Variants in KRTAP5-8 observed in about 807,000 individuals in gnomAD.
KRTAP5-8 encodes the protein keratin-associated protein 5-8.
KRTAP5-8 carries 2 observed loss-of-function variants against 2.7 expected under a neutral mutation model. That is an observed-to-expected ratio of 0.75 (90% confidence interval 0.30 to 2.35). The LOEUF (loss-of-function observed/expected upper bound fraction) is 2.35. Ranked by LOEUF, KRTAP5-8 falls within the 30% of genes most tolerant of loss-of-function variation. The pLI is 0.12. For synonymous variants in KRTAP5-8, 62 were observed against 89.1 expected, an observed-to-expected ratio of 0.70 and a Z score of 1.71; for missense variants, 183 against 227.2, an observed-to-expected ratio of 0.81 and a Z score of 1.25.
At position 71,538,266 on chromosome 11, in the gene KRTAP5-8, G is replaced by A. The variant is rs751475151; in HGVS notation, c.211G>A (p.Gly71Ser). The change falls in exon 1 of 1, where the codon GGC (glycine) becomes AGC (serine). Residue 71 changes from glycine (G) to serine (S), a missense_variant. By Grantham distance (56) the Gly-to-Ser change is moderately conservative. Transcript: ENST00000398534. ...GSCGGSKGDCGSCGGSKGGCG... is the reference protein window; with the variant it reads ...GSCGGSKGDCSSCGGSKGGCG... ...CTGTGGGGGCTCCAAGGGGGACTGT[G>A]GCTCCTGTGGGGGCTCCAAGGGAGG... The A allele has an allele frequency of 1.9e-6, 3 of 1,613,640 alleles. No homozygotes were observed. Among genetic ancestry groups the A allele is most frequent in the Admixed American group, 1.7e-5 (1 of 60,016 alleles).
At position 71,538,798 on chromosome 11, in the gene KRTAP5-8, A is replaced by G; in HGVS notation, c.*179A>G. The G allele has an allele frequency of 7.6e-7, 1 of 1,322,012 alleles. No individual in the cohort carries two copies. 81.9% of individuals were successfully genotyped at this position (1,322,012 alleles called of 1,614,324 possible). ...CTCTGAGGTCATGAGGGCTTCTGGC[A>G]TGCTGGGTGCTGCCCATCAACCCTC... On this transcript the variant is annotated 3_prime_UTR_variant, in exon 1 of 1. Coordinates refer to ENST00000398534, the MANE Select transcript of KRTAP5-8 (RefSeq NM_021046.3).
rs372795779 is a variant in KRTAP5-8 at position 71,538,186 on chromosome 11, C to A, written c.131C>A (p.Ala44Asp). Residue 44 changes from alanine to aspartate, a missense_variant, in exon 1 of 1, where the codon GCC becomes GAC. Physicochemically the swap from Ala to Asp is moderately radical, Grantham distance 126. This residue lies in a region of KRTAP5-8 where 113 missense variants were observed against 109.3 expected (regional missense o/e 1.03). Coordinates refer to ENST00000398534, the MANE Select transcript of KRTAP5-8 (RefSeq NM_021046.3). ...AAGCCCGTGTGCTGCTGTGTGCCAG[C>A]CTGTTCCTGCTCCAGCTGTGGCTCC... ...CCKPVCCCVP[A>D]CSCSSCGSCG... The A allele has an allele frequency of 1.9e-6, 3 of 1,612,470 alleles. No individual in the cohort carries two copies. Among genetic ancestry groups the A allele is most frequent in the Non-Finnish European group, 2.5e-6 (3 of 1,179,792 alleles).
chr11:71,538,861 A>C lies in KRTAP5-8; in HGVS notation c.*242A>C, dbSNP rs761811509. The C allele has an allele frequency of 1.0e-5, 8 of 783,292 alleles. No homozygotes were observed. Among genetic ancestry groups the C allele is most frequent in the Non-Finnish European group, 1.0e-5 (5 of 491,720 alleles). The allele number at this position is 783,292 out of a possible 1,614,324, so 48.5% of individuals were successfully genotyped here. The stretch of plus-strand genomic sequence containing the variant: ...CTTCCTTTCCTGACCTCATCACTTC[A>C]ACCTTCTCAGGGCTTCAAGATCCCA... On this transcript the variant is annotated 3_prime_UTR_variant, in exon 1 of 1. Coordinates refer to ENST00000398534, the MANE Select transcript of KRTAP5-8 (RefSeq NM_021046.3).
In KRTAP5-8 at chr11:71,538,389, C is replaced by T. The variant is rs1190910477; in HGVS notation, c.334C>T (p.Pro112Ser). The T allele has an allele frequency of 1.2e-6, 2 of 1,611,610 alleles. No homozygotes were observed. The highest frequency in any genetic ancestry group is 2.7e-5 in the African/African-American group (2 of 74,852). The change falls in exon 1 of 1, where the codon CCC (proline) becomes TCC (serine). Residue 112 changes from proline to serine, a missense_variant. This residue lies in a region of KRTAP5-8 where 70 missense variants were observed against 117.9 expected (regional missense o/e 0.59). Coordinates refer to ENST00000398534, the MANE Select transcript of KRTAP5-8 (RefSeq NM_021046.3). ...CTGCTGCCAGTCCAGCTGCTGCAAA[C>T]CCTGCTGTTCCCAGTCCAGCTGTTG... ...SSCCQSSCCK[P>S]CCSQSSCCKP...
chr11:71,538,398 T>C lies in KRTAP5-8; in HGVS notation c.343T>C (p.Ser115Pro). The part of the protein sequence containing the change: ...CQSSCCKPCC[S>P]QSSCCKPCSC... ...GTCCAGCTGCTGCAAACCCTGCTGT[T>C]CCCAGTCCAGCTGTTGTAAGCCCTG... is the stretch of plus-strand genomic sequence containing the variant. Residue 115 changes from serine to proline, a missense_variant, in exon 1 of 1, where the codon TCC (serine) becomes CCC (proline). Coordinates refer to ENST00000398534, the MANE Select transcript of KRTAP5-8 (RefSeq NM_021046.3). 3.7e-6 allele frequency: 6 copies of C among 1,611,924 alleles called. No homozygotes were observed. Among genetic ancestry groups the C allele is most frequent in the South Asian group, 1.1e-5 (1 of 90,842 alleles).
In KRTAP5-8 at chr11:71,538,839, C is replaced by T; in HGVS notation, c.*220C>T. 1 of 887,188 alleles carries T rather than the reference C, an allele frequency of 1.1e-6. No individual in the cohort carries two copies. The highest frequency in any genetic ancestry group is 1.7e-6 in the Non-Finnish European group (1 of 582,998). The allele number at this position is 887,188 out of a possible 1,614,324, so 55.0% of individuals were successfully genotyped here. On this transcript the variant is annotated 3_prime_UTR_variant, in exon 1 of 1. Transcript: ENST00000398534. ...ATCAACCCTCCCAGAATCCCCTCTTCCTTTCCTGACCTCATCACTTCAACC... is the reference window on the plus strand; with the variant it reads ...ATCAACCCTCCCAGAATCCCCTCTTTCTTTCCTGACCTCATCACTTCAACC...
In KRTAP5-8 at chr11:71,538,592, C is replaced by A. The variant is rs2120620219; in HGVS notation, c.537C>A (p.Val179=). The A allele has an allele frequency of 1.3e-6, 2 of 1,587,170 alleles. No individual in the cohort carries two copies. The highest frequency in any genetic ancestry group is 2.2e-5 in the South Asian group (2 of 90,634). The change falls in exon 1 of 1, where the codon GTC becomes GTA. Residue 179 remains valine, a synonymous_variant. Transcript: ENST00000398534. ...KPCCSQSSCC[V]PICCQCKI is the part of the protein sequence containing the mutation. ...GCTGTTCCCAGTCCAGCTGCTGTGT[C>A]CCAATTTGCTGCCAGTGCAAGATCT...
chr11:71,538,968 C>T lies in KRTAP5-8; in HGVS notation c.*349C>T, dbSNP rs1213138475. 2.2e-6 allele frequency: 1 copy of T among 464,400 alleles called. No homozygotes were observed. Among genetic ancestry groups the T allele is most frequent in the East Asian group, 4.4e-5 (1 of 22,608 alleles). The allele number at this position is 464,400 out of a possible 1,614,324, so 28.8% of individuals were successfully genotyped here. A position where few individuals can be genotyped will look rare whatever the true frequency, so the allele number is the denominator to read the frequency against. On this transcript the variant is annotated 3_prime_UTR_variant, in exon 1 of 1. Transcript: ENST00000398534. ...GACCTGCTGCCGCCTCTCCCCGGTC[C>T]CTGCAACCTCCTGGCTCCTCCACCC...
Position 71,538,888 on chromosome 11 carries a change from A to C in KRTAP5-8, c.*269A>C. On this transcript the variant is annotated 3_prime_UTR_variant, in exon 1 of 1. Coordinates refer to ENST00000398534, the MANE Select transcript of KRTAP5-8 (RefSeq NM_021046.3). ...CCTTCTCAGGGCTTCAAGATCCCACATCCCTGGGCCCCTCCTGTGAGCCTG... is the reference window on the plus strand; with the variant it reads ...CCTTCTCAGGGCTTCAAGATCCCACCTCCCTGGGCCCCTCCTGTGAGCCTG... The C allele has an allele frequency of 3.0e-6, 2 of 675,940 alleles. No homozygotes were observed. 41.9% of individuals were successfully genotyped at this position (675,940 alleles called of 1,614,324 possible).
Position 71,538,097 on chromosome 11 carries a change from T to TGGGGGCTGTGGCTCCGGCTGA in KRTAP5-8, c.50_51insTGGCTCCGGCTGAGGGGGCTG (p.Gly20_Cys21insTer). On this transcript the variant is annotated stop_gained and inframe_insertion, in exon 1 of 1. Coordinates refer to ENST00000398534, the MANE Select transcript of KRTAP5-8 (RefSeq NM_021046.3). LOFTEE classifies it low-confidence loss of function (END_TRUNC). ...GCTCTGGAGGCTGTGGCTCCGGCTG[T>TGGGGGCTGTGGCTCCGGCTGA]GGGGGCTGCGGCTCTGGCTGTGGGG... 1 of 1,611,198 alleles carries TGGGGGCTGTGGCTCCGGCTGA rather than the reference T, an allele frequency of 6.2e-7. No homozygotes were observed. The highest frequency in any genetic ancestry group is 1.1e-5 in the South Asian group (1 of 90,898).
chr11:71,538,857 C>T lies in KRTAP5-8; in HGVS notation c.*238C>T. On this transcript the variant is annotated 3_prime_UTR_variant, in exon 1 of 1. Coordinates refer to ENST00000398534, the MANE Select transcript of KRTAP5-8 (RefSeq NM_021046.3). ...CCCTCTTCCTTTCCTGACCTCATCA[C>T]TTCAACCTTCTCAGGGCTTCAAGAT... The T allele has an allele frequency of 1.3e-6, 1 of 792,806 alleles. No individual in the cohort carries two copies. The highest frequency in any genetic ancestry group is 2.7e-5 in the East Asian group (1 of 36,998). The allele number at this position is 792,806 out of a possible 1,614,324, so 49.1% of individuals were successfully genotyped here.
At position 71,538,931 on chromosome 11, in the gene KRTAP5-8, C is replaced by G. The variant is rs545064241; in HGVS notation, c.*312C>G. 1 of 580,628 alleles carries G rather than the reference C, an allele frequency of 1.7e-6. No individual in the cohort carries two copies. Among genetic ancestry groups the G allele is most frequent in the South Asian group, 2.2e-5 (1 of 46,148 alleles). 36.0% of individuals were successfully genotyped at this position (580,628 alleles called of 1,614,324 possible). A position where few individuals can be genotyped will look rare whatever the true frequency, so the allele number is the denominator to read the frequency against. On this transcript the variant is annotated 3_prime_UTR_variant, in exon 1 of 1. Coordinates refer to ENST00000398534, the MANE Select transcript of KRTAP5-8 (RefSeq NM_021046.3). Reference sequence around the variant, plus strand: ...TGAGCCTGCTGGAAACACACTGAAACTGGAATCCTCCGACCTGCTGCCGCC... The same window carrying G: ...TGAGCCTGCTGGAAACACACTGAAAGTGGAATCCTCCGACCTGCTGCCGCC...
chr11:71,538,249 G>C lies in KRTAP5-8; in HGVS notation c.194G>C (p.Gly65Ala), dbSNP rs564299923. 6.2e-7 allele frequency: 1 copy of C among 1,613,178 alleles called. No individual in the cohort carries two copies. Among genetic ancestry groups the C allele is most frequent in the African/African-American group, 1.3e-5 (1 of 74,896 alleles). Reference sequence around the variant, plus strand: ...AAGGGGGGCCGTGGCTCCTGTGGGGGCTCCAAGGGGGACTGTGGCTCCTGT... The same window carrying C: ...AAGGGGGGCCGTGGCTCCTGTGGGGCCTCCAAGGGGGACTGTGGCTCCTGT... ...GSKGGRGSCGGSKGDCGSCGG... is the reference protein window; with the variant it reads ...GSKGGRGSCGASKGDCGSCGG... The change falls in exon 1 of 1, where the codon GGC becomes GCC. Residue 65 changes from glycine (G) to alanine (A), a missense_variant. Gly to Ala is a moderately conservative substitution (Grantham distance 60). Around this residue, in one of 2 missense-constraint regions of KRTAP5-8, gnomAD observed 113 missense variants for 109.3 expected, o/e 1.03. Coordinates refer to ENST00000398534, the MANE Select transcript of KRTAP5-8 (RefSeq NM_021046.3).
In KRTAP5-8 at chr11:71,538,234, G is replaced by T. The variant is rs1394393082; in HGVS notation, c.179G>T (p.Arg60Leu). 2 of 1,612,864 alleles carry T rather than the reference G, an allele frequency of 1.2e-6. No individual in the cohort carries two copies. The highest frequency in any genetic ancestry group is 1.7e-5 in the Admixed American group (1 of 59,956). Residue 60 changes from arginine to leucine, a missense_variant, in exon 1 of 1, where the codon CGT (arginine) becomes CTT (leucine). Arg to Leu is a moderately radical substitution (Grantham distance 102, BLOSUM62 -2). Around this residue, in one of 2 missense-constraint regions of KRTAP5-8, gnomAD observed 113 missense variants for 109.3 expected, o/e 1.03. Transcript: ENST00000398534. Reference protein sequence around the residue: ...CGSCGGSKGGRGSCGGSKGDC... With the variant: ...CGSCGGSKGGLGSCGGSKGDC... ...TCCTGTGGGGGCTCCAAGGGGGGCC[G>T]TGGCTCCTGTGGGGGCTCCAAGGGG... is the stretch of plus-strand genomic sequence containing the variant.
chr11:71,538,919 AAC>A lies in KRTAP5-8; in HGVS notation c.*305_*306del. On this transcript the variant is annotated 3_prime_UTR_variant, in exon 1 of 1. Transcript: ENST00000398534. ...GGGCCCCTCCTGTGAGCCTGCTGGAAACACACTGAAACTGGAATCCTCCGACC... is the reference window on the plus strand; with the variant it reads ...GGGCCCCTCCTGTGAGCCTGCTGGAAACACTGAAACTGGAATCCTCCGACC... 2 of 601,624 alleles carry A rather than the reference AAC, an allele frequency of 3.3e-6. No homozygotes were observed. The highest frequency in any genetic ancestry group is 3.0e-6 in the Non-Finnish European group (1 of 338,156). 37.3% of individuals were successfully genotyped at this position (601,624 alleles called of 1,614,324 possible).
In KRTAP5-8 at chr11:71,538,248, G is replaced by A. The variant is rs759868215; in HGVS notation, c.193G>A (p.Gly65Ser). Residue 65 changes from glycine (G) to serine (S), a missense_variant, in exon 1 of 1, where the codon GGC (glycine) becomes AGC (serine). This residue lies in a region of KRTAP5-8 where 113 missense variants were observed against 109.3 expected (regional missense o/e 1.03). Coordinates refer to ENST00000398534, the MANE Select transcript of KRTAP5-8 (RefSeq NM_021046.3). ...CAAGGGGGGCCGTGGCTCCTGTGGG[G>A]GCTCCAAGGGGGACTGTGGCTCCTG... The part of the protein sequence containing the change: ...GSKGGRGSCG[G>S]SKGDCGSCGG... 1.9e-6 allele frequency: 3 copies of A among 1,612,904 alleles called. No homozygotes were observed. The highest frequency in any genetic ancestry group is 1.1e-5 in the South Asian group (1 of 91,008).
At position 71,538,385 on chromosome 11, in the gene KRTAP5-8, C is replaced by A. The variant is rs538408077; in HGVS notation, c.330C>A (p.Cys110Ter). 31 of 1,612,052 alleles carry A rather than the reference C, an allele frequency of 1.9e-5. No homozygotes were observed. The South Asian group carries it at 3.3e-4, about 17-fold the overall frequency. ...CGSSCCQSSCCKPCCSQSSCC... is the reference protein window; with the variant it reads ...CGSSCCQSSC ...CATCCTGCTGCCAGTCCAGCTGCTG[C>A]AAACCCTGCTGTTCCCAGTCCAGCT... Residue 110 changes from cysteine to a stop codon, truncating the protein, a stop_gained, in exon 1 of 1, where the codon TGC becomes TGA. Transcript: ENST00000398534. LOFTEE classifies it low-confidence loss of function (END_TRUNC).
Position 71,538,133 on chromosome 11 carries a change from T to C in KRTAP5-8, c.78T>C (p.Ser26=), listed in dbSNP as rs370977604. 8,392 of 1,610,434 alleles carry C rather than the reference T, an allele frequency of 5.2e-3. 21 individuals carry two copies. The highest frequency in any genetic ancestry group is 6.6e-3 in the Non-Finnish European group (7,752 of 1,178,728). The change falls in exon 1 of 1, where the codon TCT becomes TCC. Residue 26 remains serine (S), a synonymous_variant. Transcript: ENST00000398534. ...GCGSGCGGCG[S]SCCVPICCCK... ...GCTCTGGCTGTGGGGGATGTGGCTC[T>C]AGCTGCTGTGTGCCCATCTGCTGCT...
In KRTAP5-8 at chr11:71,538,172, C is replaced by G. The variant is rs759268694; in HGVS notation, c.117C>G (p.Cys39Trp). 3.2e-5 allele frequency: 51 copies of G among 1,612,054 alleles called. 1 individual carries two copies. The South Asian group carries it at 5.5e-4, about 17-fold the overall frequency. Residue 39 changes from cysteine (C) to tryptophan (W), a missense_variant, in exon 1 of 1, where the codon TGC becomes TGG. This residue lies in a region of KRTAP5-8 where 113 missense variants were observed against 109.3 expected (regional missense o/e 1.03). Coordinates refer to ENST00000398534, the MANE Select transcript of KRTAP5-8 (RefSeq NM_021046.3). ...CVPICCCKPV[C>W]CCVPACSCSS... ...CCATCTGCTGCTGCAAGCCCGTGTGCTGCTGTGTGCCAGCCTGTTCCTGCT... is the reference window on the plus strand; with the variant it reads ...CCATCTGCTGCTGCAAGCCCGTGTGGTGCTGTGTGCCAGCCTGTTCCTGCT...
Sources: allele counts gnomAD v4.1 joint callset, GRCh38; gene constraint gnomAD v4.1.1; regional missense constraint gnomAD v4.1.1; transcripts MANE v1.5; gene names NCBI Gene and HGNC (gene_info 2026-07-23, HGNC 2026-07-21).